Variants in MYO1D observed in about 807,000 individuals in gnomAD.
MYO1D encodes the protein myosin ID.
A neutral mutation model predicts 122.0 loss-of-function variants in MYO1D; 83 were observed. That is an observed-to-expected ratio of 0.68 (90% CI 0.57 to 0.82). MYO1D has a LOEUF of 0.82. Among genes scored for constraint, MYO1D ranks in the 40% least tolerant of loss-of-function variants. MYO1D has a pLI of 0.00. For synonymous variants in MYO1D, 464 were observed against 446.9 expected (o/e 1.04, Z -0.48); for missense variants, 1,157 against 1,269.5 (o/e 0.91, Z 1.35).
chr17:32,571,667 C>T (rs1444123867), intron 21 of MYO1D, among the ~76,000 whole-genome samples: 1 of 152,164 alleles, frequency 6.6e-6, no homozygotes, highest in Non-Finnish European at 1.5e-5. Flanking sequence ...ATGAAAACTT[C>T]TTGGTGGTAT....
chr17:32,589,189 C>T (rs928831450), intron 21 of MYO1D, among the ~76,000 whole-genome samples: 17 of 152,166 alleles, frequency 1.1e-4, no homozygotes, highest in African/African-American at 4.1e-4. Flanking sequence ...AGGTGGCCGG[C>T]CTCGTGGGGA....
intron 13 of MYO1D, among the ~76,000 whole-genome samples, chr17:32,742,014 CAAAA>C (rs55636240): frequency 8.3e-4 from 88 of 106,220 alleles, no homozygotes; most frequent in African/African-American, 3.1e-3. Flanking sequence ...GACTCCGTCT[CAAAA>C]AAAAAAAAAA....
chr17:32,776,768 G>C (rs2090175960), intron 3 of MYO1D, among the ~76,000 whole-genome samples: 1 of 152,100 alleles, frequency 6.6e-6, no homozygotes, highest in Non-Finnish European at 1.5e-5. Context: ...CTTTGTACCA[G>C]CCATTTAATG....
chr17:32,634,314 G>T (rs1248947575), intron 20 of MYO1D, among the ~76,000 whole-genome samples: 1 of 152,180 alleles, frequency 6.6e-6, no homozygotes, highest in Non-Finnish European at 1.5e-5. Context: ...TCAAGAGGGG[G>T]TGTGCAATTG....
chr17:32,765,201 T>C (rs2090043303), intron 7 of MYO1D, 120 bp from the exon 8 acceptor site: 2 of 730,740 alleles, frequency 2.7e-6, no homozygotes, highest in African/African-American at 1.8e-5. Flanking sequence ...ACATTATACA[T>C]CTCAACATAT....
intron 21 of MYO1D, among the ~76,000 whole-genome samples, chr17:32,567,489 GA>G (rs2087184504): frequency 6.6e-6 from 1 of 152,224 alleles, no homozygotes; most frequent in African/African-American, 2.4e-5. Flanking sequence ...TCCTGGGAAG[GA>G]AATAAGGTAC....
rs562769430 is a variant in MYO1D at position 32,851,889 on chromosome 17, G to A, written c.95+24889C>T. On this transcript the variant is annotated intron_variant, in intron 1 of 21. Coordinates refer to ENST00000318217, the MANE Select transcript of MYO1D (RefSeq NM_015194.3). ...CACCTCCTGATGTGCAGCCCAGCCC[G>A]GTTCCTAACAGACCACCGTACCGGT... Among the ~76,000 whole-genome samples the A allele has an allele frequency of 1.1e-3, 170 of 152,274 alleles. 1 individual carries two copies. Among genetic ancestry groups the A allele is most frequent in the African/African-American group, 3.1e-3 (130 of 41,560 alleles).
intron 19 of MYO1D, among the ~76,000 whole-genome samples, chr17:32,650,597 C>CT (rs2088375769): frequency 6.6e-6 from 1 of 152,064 alleles, no homozygotes; most frequent in South Asian, 2.1e-4. Flanking sequence ...ATTTTTCTCT[C>CT]TGTGTTTAAT....
chr17:32,674,756 T>C (rs889645786), intron 16 of MYO1D, among the ~76,000 whole-genome samples: 2 of 152,220 alleles, frequency 1.3e-5, no homozygotes, highest in African/African-American at 2.4e-5. Flanking sequence ...TTTTTGCTAG[T>C]AGCCTGGCTC....
At chr17:32,616,629 A>C (rs2150922643) in intron 20 of MYO1D, among the ~76,000 whole-genome samples, 1 of 152,236 alleles carries the variant, frequency 6.6e-6, no homozygotes, top group East Asian at 1.9e-4. Flanking sequence ...TGGTAAGTGC[A>C]TTTTAAGTAA....
At chr17:32,768,147 T>C (rs2090077841) in intron 6 of MYO1D, among the ~76,000 whole-genome samples, 1 of 152,254 alleles carries the variant, frequency 6.6e-6, no homozygotes, top group African/African-American at 2.4e-5. Flanking sequence ...TGTGGCTCTT[T>C]GTTCCACAAT....
At chr17:32,871,074 A>G (rs1370371110) in intron 1 of MYO1D, among the ~76,000 whole-genome samples, 1 of 152,202 alleles carries the variant, frequency 6.6e-6, no homozygotes, top group Non-Finnish European at 1.5e-5. Flanking sequence ...AGGATGAGTA[A>G]GAGTATGGCA....
intron 21 of MYO1D, among the ~76,000 whole-genome samples, chr17:32,537,371 T>C (rs529991310): frequency 6.6e-6 from 1 of 152,362 alleles, no homozygotes; most frequent in East Asian, 1.9e-4. Context: ...CCGTGGCTGC[T>C]TTTGTGACAC....
chr17:32,732,542 T>C (rs796813192), intron 14 of MYO1D, among the ~76,000 whole-genome samples: 7 of 152,206 alleles, frequency 4.6e-5, no homozygotes, highest in African/African-American at 1.7e-4. Flanking sequence ...ACTGCTGGTC[T>C]CCTCTATGCT....
At chr17:32,681,059 C>G (rs1467207923) in intron 16 of MYO1D, among the ~76,000 whole-genome samples, 1 of 152,110 alleles carries the variant, frequency 6.6e-6, no homozygotes, top group Non-Finnish European at 1.5e-5. Flanking sequence ...GTAGTATTCT[C>G]TGATGGTAGT....
At chr17:32,594,409 T>A in intron 21 of MYO1D, 1 of 426,430 alleles carries the variant, frequency 2.3e-6, no homozygotes, top group East Asian at 3.4e-5. Context: ...TTGATTTACA[T>A]TTTAAAATAT....
At chr17:32,637,875 A>G (rs1360402107) in intron 20 of MYO1D, among the ~76,000 whole-genome samples, 1 of 152,142 alleles carries the variant, frequency 6.6e-6, no homozygotes, top group African/African-American at 2.4e-5. Context: ...CTTGTACCTT[A>G]TAACTAAAAG....
intron 1 of MYO1D, 74 bp downstream of exon 1, chr17:32,876,704 C>A: frequency 7.7e-7 from 1 of 1,294,184 alleles, no homozygotes; most frequent in African/African-American, 1.6e-5. Flanking sequence ...ACCCCGGATC[C>A]GGCCGCGCCC....
In MYO1D at chr17:32,760,275, TAA is replaced by T. The variant is rs1379771084; in HGVS notation, c.1296+13_1296+14del. On this transcript the variant is annotated intron_variant, in intron 10 of 21. Transcript: ENST00000318217. ...GAGAAACACATGAAGGCATTTTCCATAAGAGTCCACTCACATGTTTCCAGGGG... is the reference window on the plus strand; with the variant it reads ...GAGAAACACATGAAGGCATTTTCCATGAGTCCACTCACATGTTTCCAGGGG... The T allele has an allele frequency of 6.3e-7, 1 of 1,575,782 alleles. No homozygotes were observed. The highest frequency in any genetic ancestry group is 8.7e-7 in the Non-Finnish European group (1 of 1,148,690).
Sources: gnomAD v4.1 joint callset for allele counts (sites outside exome capture counted in the v4.1 genomes callset) on GRCh38, gnomAD v4.1.1 for gene constraint, MANE v1.5 for transcripts, NCBI Gene and HGNC (gene_info 2026-07-23, HGNC 2026-07-21) for gene names.